KPNA7: variants seen among roughly 807,000 people sequenced by gnomAD.
KPNA7 encodes the protein importin subunit alpha-8.
In KPNA7, 54 loss-of-function variants were observed where a neutral mutation model predicts 53.7. The observed-to-expected ratio is 1.01, with a 90% CI of 0.81 to 1.26. The LOEUF (loss-of-function observed/expected upper bound fraction) is 1.26, where lower values mean the gene tolerates loss of function less well. Ranked by LOEUF, KPNA7 falls within the 50% of genes most tolerant of loss-of-function variation. The probability of loss-of-function intolerance (pLI) is 0.00; values close to 1 mark genes in which losing one functional copy is unlikely to be tolerated. For missense variants in KPNA7, 640 were observed against 644.5 expected (o/e 0.99, Z 0.07); for synonymous variants, 276 against 259.3 (o/e 1.06, Z -0.62).
chr7:99,191,063 A>G (rs116412890), intron 6 of KPNA7, among the ~76,000 whole-genome samples: 100 of 152,028 alleles, frequency 6.6e-4, no homozygotes, highest in African/African-American at 2.1e-3. Context: ...ATCTAACCTG[A>G]AACCTAGGGG....
rs55867906 is a variant in KPNA7, at chr7:99,187,799, TAAAAAAAAAAA to T, written c.900+490_900+500del. Among the ~76,000 whole-genome samples, 642 of 65,050 alleles carry T rather than the reference TAAAAAAAAAAA, an allele frequency of 9.9e-3. 22 individuals are homozygous for T. The highest frequency in any genetic ancestry group is 0.019 in the South Asian group (28 of 1,490). 42.7% of individuals were successfully genotyped at this position (65,050 alleles called of 152,430 possible). A position where few individuals can be genotyped will look rare whatever the true frequency, so the allele number is the denominator to read the frequency against. ...AGCCACCGTGCCCGGCCTTTTTTTT[TAAAAAAAAAAA>T]AAAAAAAAAAAAAAAAAAAAAAAAA... On this transcript the variant is annotated intron_variant, in intron 7 of 10. Transcript: ENST00000327442.
At chr7:99,213,456 A>AGAG (rs1554472991) in intron 1 of KPNA7, among the ~76,000 whole-genome samples, 8 of 126,114 alleles carry the variant, frequency 6.3e-5, no homozygotes, top group African/African-American at 2.6e-4. Context: ...AAAAAAAAAA[A>AGAG]AGAGAGAGAG....
chr7:99,206,747 G>A (rs1026041680), intron 2 of KPNA7, among the ~76,000 whole-genome samples: 2 of 152,106 alleles, frequency 1.3e-5, no homozygotes, highest in Non-Finnish European at 2.9e-5. Context: ...TGGGAACACA[G>A]GCATGAGCTA....
At chr7:99,190,123 G>C (rs1293675452) in intron 6 of KPNA7, among the ~76,000 whole-genome samples, 3 of 152,030 alleles carry the variant, frequency 2.0e-5, no homozygotes, top group Non-Finnish European at 4.4e-5. Flanking sequence ...TGGATCATGA[G>C]GTCAGGGGTT....
At chr7:99,168,877 TTCCTTCCAA>T (rs1322230217), downstream of KPNA7, among the ~76,000 whole-genome samples, 3 of 152,130 alleles carry the variant, frequency 2.0e-5, no homozygotes, top group Non-Finnish European at 4.4e-5. Context: ...TGACATTAGT[TTCCTTCCAA>T]TCCTGAACTC....
intron 10 of KPNA7, among the ~76,000 whole-genome samples, chr7:99,176,378 C>T (rs889849430): frequency 1.3e-5 from 2 of 151,156 alleles, no homozygotes; most frequent in African/African-American, 4.9e-5. Context: ...AATGAGATAC[C>T]ACTTTATACC....
At position 99,185,209 on chromosome 7, in the gene KPNA7, G is replaced by A. The variant is rs1464543293; in HGVS notation, c.901-47C>T. 3.0e-6 allele frequency: 4 copies of A among 1,353,684 alleles called. No homozygotes were observed. In the Admixed American group the frequency reaches 6.0e-5, roughly 20 times the overall value. The allele number at this position is 1,353,684 out of a possible 1,614,324, so 83.9% of individuals were successfully genotyped here. A position where few individuals can be genotyped will look rare whatever the true frequency, so the allele number is the denominator to read the frequency against. ...TCTAAGTATTTCAAGTCTATCCCAG[G>A]AGAAGGCAACAATCACACCAAGTTC... is the stretch of plus-strand genomic sequence containing the variant. On this transcript the variant is annotated intron_variant, in intron 7 of 10. Transcript: ENST00000327442.
the KPNA7 span, among the ~76,000 whole-genome samples, chr7:99,160,087 C>T: frequency 7.9e-6 from 1 of 126,452 alleles, no homozygotes; most frequent in Non-Finnish European, 1.6e-5. Context: ...TGCAGTGGTA[C>T]GATCCTGGCT....
At chr7:99,162,856 A>C in the KPNA7 span, among the ~76,000 whole-genome samples, 100 of 152,254 alleles carry the variant, frequency 6.6e-4, no homozygotes, top group East Asian at 0.018. Context: ...GTTGAAAAAG[A>C]ATCTGTATTC....
chr7:99,206,880 T>C (rs1196881212), intron 2 of KPNA7, among the ~76,000 whole-genome samples: 2 of 152,218 alleles, frequency 1.3e-5, no homozygotes, highest in Non-Finnish European at 2.9e-5. Flanking sequence ...TAAGTCCACA[T>C]GCTTTTGTCT....
Position 99,188,567 on chromosome 7 carries a change from T to C in KPNA7, c.637-4A>G. The C allele has an allele frequency of 6.5e-7, 1 of 1,549,016 alleles. No homozygotes were observed. On this transcript the variant is annotated splice_region_variant and splice_polypyrimidine_tract_variant and intron_variant, in intron 6 of 10. Transcript: ENST00000327442. ...TGATGTTCCGCAGAAATGTGATCTGTAACAAGGAGACTGCCTCCAGCATTG... is the reference window on the plus strand; with the variant it reads ...TGATGTTCCGCAGAAATGTGATCTGCAACAAGGAGACTGCCTCCAGCATTG...
the KPNA7 span, among the ~76,000 whole-genome samples, chr7:99,155,739 A>AT: frequency 7.1e-6 from 1 of 140,744 alleles, no homozygotes. Context: ...TTTTTTTTGT[A>AT]TTTTTTATAG....
the KPNA7 span, among the ~76,000 whole-genome samples, chr7:99,162,900 G>C: frequency 1.3e-5 from 2 of 152,054 alleles, no homozygotes; most frequent in Admixed American, 6.6e-5. Context: ...TATATGTAAG[G>C]CTGGACACGG....
chr7:99,186,372 T>A (rs1789592014), intron 7 of KPNA7, among the ~76,000 whole-genome samples: 1 of 152,210 alleles, frequency 6.6e-6, no homozygotes, highest in Non-Finnish European at 1.5e-5. Flanking sequence ...CCTATTAGGC[T>A]ACTTACCTGA....
At chr7:99,202,263 G>A (rs1224250735) in intron 3 of KPNA7, among the ~76,000 whole-genome samples, 1 of 152,128 alleles carries the variant, frequency 6.6e-6, no homozygotes, top group East Asian at 1.9e-4. Flanking sequence ...AGACAGTGGT[G>A]TACCCCAAAA....
At chr7:99,196,056 G>A in intron 4 of KPNA7, 28 bp downstream of exon 4, 8 of 1,535,814 alleles carry the variant, frequency 5.2e-6, no homozygotes, top group Non-Finnish European at 7.1e-6. Context: ...CTATGAACCT[G>A]CAACAGCAGA....
chr7:99,197,193 A>T (rs1251280979), intron 3 of KPNA7, among the ~76,000 whole-genome samples: 1 of 152,146 alleles, frequency 6.6e-6, no homozygotes, highest in Non-Finnish European at 1.5e-5. Context: ...GCAAAAATTG[A>T]GTGTTCTTTT....
rs1491114140 is a variant in KPNA7, at chr7:99,181,070, TCC to T, written c.1317+811_1317+812del. ...CTCTCTCTCCGTCTGTGTCTCTCTCTCCATCTGTGTCTCTCTCTCTCTCTCCG... is the reference window on the plus strand; with the variant it reads ...CTCTCTCTCCGTCTGTGTCTCTCTCTATCTGTGTCTCTCTCTCTCTCTCCG... On this transcript the variant is annotated intron_variant, in intron 9 of 10. Transcript: ENST00000327442. Among the ~76,000 whole-genome samples, 70 of 24,696 alleles carry T rather than the reference TCC, an allele frequency of 2.8e-3. 27 individuals carry two copies. The highest frequency in any genetic ancestry group is 5.1e-3 in the African/African-American group (63 of 12,322). The allele number at this position is 24,696 out of a possible 152,430, so 16.2% of individuals were successfully genotyped here.
rs1060502572 is a variant in KPNA7, at chr7:99,188,562, A to T, written c.638T>A (p.Ile213Asn). The change falls in exon 7 of 11, where the codon ATC becomes AAC. Residue 213 changes from isoleucine to asparagine, a missense_variant and splice_region_variant. Transcript: ENST00000327442. ...CCACGTGATGTTCCGCAGAAATGTG[A>T]TCTGTAACAAGGAGACTGCCTCCAG... The part of the protein sequence containing the change: ...LLALISPTLP[I>N]TFLRNITWTL... 13 of 1,551,030 alleles carry T rather than the reference A, an allele frequency of 8.4e-6. No individual in the cohort carries two copies. In the Admixed American group the frequency reaches 1.8e-4, roughly 21 times the overall value.
Sources: gnomAD v4.1 joint callset for allele counts (sites outside exome capture counted in the v4.1 genomes callset) on GRCh38, gnomAD v4.1.1 for gene constraint, MANE v1.5 for transcripts, NCBI Gene and HGNC (gene_info 2026-07-23, HGNC 2026-07-21) for gene names.